TBC1D5: variants seen among roughly 807,000 people sequenced by gnomAD.
TBC1D5 encodes the protein TBC1 domain family member 5, also known as TBC1 domain family, member 5.
Under a neutral mutation model 100.3 loss-of-function variants are expected in TBC1D5, and 75 were observed. The ratio of observed to expected loss-of-function variants is 0.75; its 90% CI spans 0.62 to 0.91. The LOEUF is 0.91. Ranked by LOEUF, TBC1D5 falls within the 40% of genes least tolerant of loss-of-function variation. TBC1D5 has a pLI of 0.00. For missense variants in TBC1D5, 910 were observed against 942.4 expected (o/e 0.97, Z 0.45); for synonymous variants, 323 against 325.6 (o/e 0.99, Z 0.09).
intron 3 of TBC1D5, among the ~76,000 whole-genome samples, chr3:17,448,377 T>C (rs1191664685): frequency 1.3e-5 from 2 of 152,174 alleles, no homozygotes; most frequent in Non-Finnish European, 2.9e-5. Flanking sequence ...CTCCCATGAA[T>C]CATGAATATT....
In TBC1D5 at chr3:17,374,628, C is replaced by T. The variant is rs751863326; in HGVS notation, c.752+1G>A. 1.2e-6 allele frequency: 2 copies of T among 1,611,436 alleles called. No individual in the cohort carries two copies. The highest frequency in any genetic ancestry group is 1.7e-6 in the Non-Finnish European group (2 of 1,179,212). On this transcript the variant is annotated splice_donor_variant, in intron 11 of 21. Coordinates refer to ENST00000253692, the Ensembl canonical transcript of TBC1D5. LOFTEE classifies it high-confidence loss of function. ...AAAACAAAGAAAGTTTTTGTACTTA[C>T]TAGGCATCATGTTCCAGATACTCAG...
intron 2 of TBC1D5, among the ~76,000 whole-genome samples, chr3:17,545,048 A>ATC (rs2096401180): frequency 6.6e-6 from 1 of 152,142 alleles, no homozygotes; most frequent in Non-Finnish European, 1.5e-5. Flanking sequence ...GCTGTTATGG[A>ATC]TCAATTTTTA....
intron 3 of TBC1D5, among the ~76,000 whole-genome samples, chr3:17,433,740 C>G (rs912896966): frequency 2.6e-5 from 4 of 152,104 alleles, no homozygotes; most frequent in African/African-American, 9.7e-5. Context: ...CAGCATTAAC[C>G]CAAAAGTCCA....
At chr3:17,580,798 C>A (rs1269679317) in intron 2 of TBC1D5, among the ~76,000 whole-genome samples, 1 of 152,182 alleles carries the variant, frequency 6.6e-6, no homozygotes, top group African/African-American at 2.4e-5. Flanking sequence ...TTCAGATATT[C>A]TGAAAGACCA....
At chr3:17,705,276 C>T (rs1275222956) in intron 1 of TBC1D5, among the ~76,000 whole-genome samples, 4 of 81,088 alleles carry the variant, frequency 4.9e-5, no homozygotes, top group Admixed American at 1.1e-4. Flanking sequence ...CCGGACGGCA[C>T]GGCTGGCCAG....
At chr3:17,728,389 A>C (rs374221504) in intron 1 of TBC1D5, among the ~76,000 whole-genome samples, 1 of 152,250 alleles carries the variant, frequency 6.6e-6, no homozygotes. Context: ...AATCAACTGA[A>C]AAACTATCAA....
intron 1 of TBC1D5, among the ~76,000 whole-genome samples, chr3:17,723,178 T>C (rs11128849): frequency 0.5 from 75,950 of 151,904 alleles, 20,511 homozygotes; most frequent in East Asian, 0.94. Context: ...AAAAGTGTAA[T>C]TTGATTGTTT....
At chr3:17,739,955 A>G (rs2077273660) in exon 1 of TBC1D5, 2 of 152,070 alleles carry the variant, frequency 1.3e-5, no homozygotes, top group South Asian at 4.2e-4. Context: ...CGGTGAGCTG[A>G]GATCGCACCA....
At chr3:17,607,718 T>C (rs1382032613) in intron 2 of TBC1D5, among the ~76,000 whole-genome samples, 1 of 148,768 alleles carries the variant, frequency 6.7e-6, no homozygotes, top group Non-Finnish European at 1.5e-5. Context: ...GAATAGAACC[T>C]ATGGTAATCA....
intron 3 of TBC1D5, among the ~76,000 whole-genome samples, chr3:17,435,118 A>G (rs976468900): frequency 7.2e-5 from 11 of 152,172 alleles, no homozygotes; most frequent in African/African-American, 2.7e-4. Context: ...ACAAATCTCA[A>G]GTTCCAAACT....
intron 1 of TBC1D5, among the ~76,000 whole-genome samples, chr3:17,712,367 A>G (rs1314862286): frequency 1.3e-5 from 2 of 152,180 alleles, no homozygotes; most frequent in Non-Finnish European, 1.5e-5. Context: ...AATTAAGGCT[A>G]TTGCATCTCT....
At chr3:17,368,344 T>G (rs1244068111) in intron 13 of TBC1D5, among the ~76,000 whole-genome samples, 3 of 152,118 alleles carry the variant, frequency 2.0e-5, no homozygotes, top group Non-Finnish European at 4.4e-5. Flanking sequence ...GTGTACATAC[T>G]TAGGGCACAT....
At chr3:17,445,330 G>A (rs553282843) in intron 3 of TBC1D5, among the ~76,000 whole-genome samples, 3 of 151,762 alleles carry the variant, frequency 2.0e-5, no homozygotes, top group South Asian at 4.2e-4. Flanking sequence ...TTTTCTTAAA[G>A]AGGACGGTCT....
intron 2 of TBC1D5, among the ~76,000 whole-genome samples, chr3:17,579,760 C>T (rs965309457): frequency 1.3e-5 from 2 of 152,068 alleles, no homozygotes; most frequent in Non-Finnish European, 1.5e-5. Flanking sequence ...AGCTGAGTAC[C>T]TGCCATAAGT....
At chr3:17,438,327 A>G (rs1159550826) in intron 3 of TBC1D5, among the ~76,000 whole-genome samples, 1 of 152,148 alleles carries the variant, frequency 6.6e-6, no homozygotes, top group Non-Finnish European at 1.5e-5. Flanking sequence ...AAAAGATTTG[A>G]TATGGTTTGG....
At chr3:17,565,671 G>T (rs2096589070) in intron 2 of TBC1D5, among the ~76,000 whole-genome samples, 1 of 151,986 alleles carries the variant, frequency 6.6e-6, no homozygotes. Flanking sequence ...TTAACAAAAA[G>T]AAATAATCTC....
intron 8 of TBC1D5, among the ~76,000 whole-genome samples, chr3:17,393,450 C>G (rs903227051): frequency 6.6e-6 from 1 of 152,228 alleles, no homozygotes; most frequent in South Asian, 2.1e-4. Context: ...CATTGACTGT[C>G]TTCAGAGAAT....
At chr3:17,371,798 C>G (rs1259330349) in intron 13 of TBC1D5, among the ~76,000 whole-genome samples, 1 of 152,112 alleles carries the variant, frequency 6.6e-6, no homozygotes, top group Non-Finnish European at 1.5e-5. Context: ...TATCTGTAAT[C>G]CCAGCACTTT....
chr3:17,533,510 T>C (rs1015747851), intron 2 of TBC1D5, among the ~76,000 whole-genome samples: 1 of 152,156 alleles, frequency 6.6e-6, no homozygotes, highest in African/African-American at 2.4e-5. Flanking sequence ...AACTGCTTTA[T>C]GAAGTAAAAA....
Sources: allele counts gnomAD v4.1 joint callset (sites outside exome capture counted in the v4.1 genomes callset), GRCh38; gene constraint gnomAD v4.1.1; transcripts MANE v1.5; gene names NCBI Gene and HGNC (gene_info 2026-07-23, HGNC 2026-07-21).